The following MBD5 variants were observed in gnomAD, a reference collection of about 807,000 sequenced individuals.
The protein encoded by MBD5 is methyl-CpG-binding domain protein 5.
Under a neutral mutation model 117.3 loss-of-function variants are expected in MBD5, and 13 were observed. The ratio of observed to expected loss-of-function variants is 0.11; its 90% CI spans 0.07 to 0.18. The LOEUF is 0.18. Ranked by LOEUF, MBD5 falls within the 10% of genes least tolerant of loss-of-function variation. MBD5 has a pLI of 1.00. For synonymous variants in MBD5, 727 were observed against 766.4 expected, an observed-to-expected ratio of 0.95 and a Z score of 0.85; for missense variants, 1,879 against 2,093.8, an observed-to-expected ratio of 0.90 and a Z score of 2.00.
chr2:148,078,369 A>G (rs1695559272), intron 1 of MBD5, among the ~76,000 whole-genome samples: 5 of 152,092 alleles, frequency 3.3e-5, no homozygotes, highest in Admixed American at 3.3e-4. Context: ...GTGGGTGATC[A>G]TTTACTTGTA....
chr2:148,404,384 T>G (rs1705015948), intron 4 of MBD5, among the ~76,000 whole-genome samples: 1 of 152,192 alleles, frequency 6.6e-6, no homozygotes, highest in Admixed American at 6.5e-5. Context: ...CTGTGTGACT[T>G]TCTTTCAAGC....
intron 3 of MBD5, among the ~76,000 whole-genome samples, chr2:148,299,665 T>C (rs1701738288): frequency 6.6e-6 from 1 of 152,232 alleles, no homozygotes; most frequent in Admixed American, 6.5e-5. Flanking sequence ...TTTTGTTTTG[T>C]TTTAATAACT....
At chr2:148,179,817 C>T (rs193140558) in intron 2 of MBD5, among the ~76,000 whole-genome samples, 11 of 152,196 alleles carry the variant, frequency 7.2e-5, no homozygotes, top group Admixed American at 3.3e-4. Context: ...GACCTGTAAA[C>T]GGGATGCTCC....
Position 148,490,572 on chromosome 2 carries a change from A to G in MBD5, c.4940A>G (p.Gln1647Arg), listed in dbSNP as rs771322912. The change falls in exon 11 of 14, where the codon CAA becomes CGA. Residue 1647 changes from glutamine (Q) to arginine (R), a missense_variant. Physicochemically the swap from Gln to Arg is conservative, Grantham distance 43 (BLOSUM62 1). This residue lies in a region of MBD5 where 135 missense variants were observed against 148.0 expected (regional missense o/e 0.91). Coordinates refer to ENST00000642680, the MANE Select transcript of MBD5 (RefSeq NM_001378120.1). Reference protein sequence around the residue: ...VREDDVHNSCQQSPEEGKVEP... With the variant: ...VREDDVHNSCRQSPEEGKVEP... The stretch of plus-strand genomic sequence containing the variant: ...GAAGACGACGTTCACAATTCATGTC[A>G]ACAAAGCCCCGAGGAAGGGAAGGTA... The G allele has an allele frequency of 3.7e-6, 6 of 1,614,232 alleles. No homozygotes were observed. Among genetic ancestry groups the G allele is most frequent in the Non-Finnish European group, 5.1e-6 (6 of 1,180,038 alleles).
intron 8 of MBD5, 122 bp downstream of exon 8, chr2:148,470,583 A>G (rs1423221985): frequency 1.3e-6 from 1 of 784,840 alleles, no homozygotes; most frequent in African/African-American, 1.7e-5. Context: ...AATTCTCTTC[A>G]TTTCTTTAGT....
chr2:148,383,739 A>C (rs1438467752), intron 4 of MBD5, among the ~76,000 whole-genome samples: 1 of 152,164 alleles, frequency 6.6e-6, no homozygotes, highest in East Asian at 1.9e-4. Flanking sequence ...GAATCCAGCA[A>C]CACATCAAAA....
intron 1 of MBD5, among the ~76,000 whole-genome samples, chr2:148,176,609 A>G (rs13036250): frequency 0.31 from 46,927 of 151,782 alleles, 8,355 homozygotes; most frequent in East Asian, 0.46. Flanking sequence ...GGGTTTCACC[A>G]TGTTGGCCAG....
At position 148,288,356 on chromosome 2, in the gene MBD5, C is replaced by T. The variant is rs889601777; in HGVS notation, c.-679-53858C>T. The stretch of plus-strand genomic sequence containing the variant: ...CGGAGCTTGCAGTGAGCTGAGATCC[C>T]GCCACTGCACTCCAGCCTGGGCGAC... On this transcript the variant is annotated intron_variant, in intron 3 of 13. Transcript: ENST00000642680. Among the ~76,000 whole-genome samples, 33 of 97,828 alleles carry T rather than the reference C, an allele frequency of 3.4e-4. 1 individual carries two copies. The highest frequency in any genetic ancestry group is 1.0e-3 in the African/African-American group (29 of 28,380). The allele number at this position is 97,828 out of a possible 152,430, so 64.2% of individuals were successfully genotyped here.
chr2:148,345,729 A>T (rs999860635), intron 4 of MBD5, among the ~76,000 whole-genome samples: 1 of 150,242 alleles, frequency 6.7e-6, no homozygotes, highest in Non-Finnish European at 1.5e-5. Context: ...ATGGAAGTTT[A>T]TTAAGCATTA....
At chr2:148,272,343 T>C (rs958209123) in intron 3 of MBD5, among the ~76,000 whole-genome samples, 10 of 152,334 alleles carry the variant, frequency 6.6e-5, no homozygotes, top group African/African-American at 2.4e-4. Flanking sequence ...TTTAAGTTTT[T>C]TGAGGAACTT....
chr2:148,087,246 C>A (rs1695819529), intron 1 of MBD5, among the ~76,000 whole-genome samples: 1 of 152,190 alleles, frequency 6.6e-6, no homozygotes. Context: ...CAAATTGCCA[C>A]CTTCTGGCTG....
chr2:148,084,490 A>C (rs1480418949), intron 1 of MBD5, among the ~76,000 whole-genome samples: 1 of 152,194 alleles, frequency 6.6e-6, no homozygotes, highest in Non-Finnish European at 1.5e-5. Context: ...TCATTATTTC[A>C]ATATAGATTT....
At chr2:148,202,834 C>T (rs1196054523) in intron 2 of MBD5, among the ~76,000 whole-genome samples, 1 of 151,930 alleles carries the variant, frequency 6.6e-6, no homozygotes, top group Non-Finnish European at 1.5e-5. Context: ...TCGAGACCAA[C>T]CTGGCCAACA....
chr2:148,356,954 A>C (rs185972808), intron 4 of MBD5, among the ~76,000 whole-genome samples: 1 of 152,112 alleles, frequency 6.6e-6, no homozygotes, highest in Non-Finnish European at 1.5e-5. Context: ...CCTAAGAACA[A>C]GTATATGGAT....
intron 1 of MBD5, among the ~76,000 whole-genome samples, chr2:148,151,879 T>A (rs1697682088): frequency 6.6e-6 from 1 of 152,144 alleles, no homozygotes; most frequent in Non-Finnish European, 1.5e-5. Flanking sequence ...TTGTTGATCC[T>A]TTCAAAAAAC....
chr2:148,473,620 T>C (rs1465988530), intron 8 of MBD5, among the ~76,000 whole-genome samples: 1 of 152,172 alleles, frequency 6.6e-6, no homozygotes, highest in Non-Finnish European at 1.5e-5. Context: ...TTAAATCTTC[T>C]TTTAAGGAGA....
At chr2:148,101,467 G>GA (rs910773100) in intron 1 of MBD5, among the ~76,000 whole-genome samples, 49 of 149,460 alleles carry the variant, frequency 3.3e-4, no homozygotes, top group Middle Eastern at 3.4e-3. Flanking sequence ...GTCCCTAAAA[G>GA]AAAAAAAAAT....
At chr2:148,034,008 A>T (rs952325221) in intron 1 of MBD5, among the ~76,000 whole-genome samples, 1 of 152,174 alleles carries the variant, frequency 6.6e-6, no homozygotes, top group Non-Finnish European at 1.5e-5. Context: ...CAGCCTGGGC[A>T]CCATGGTGAA....
intron 1 of MBD5, among the ~76,000 whole-genome samples, chr2:148,107,404 T>C (rs1446651709): frequency 6.6e-6 from 1 of 152,012 alleles, no homozygotes; most frequent in East Asian, 1.9e-4. Context: ...CTTGACTGTT[T>C]GAATTGAGTT....
Sources: allele counts gnomAD v4.1 joint callset (sites outside exome capture counted in the v4.1 genomes callset), GRCh38; gene constraint gnomAD v4.1.1; regional missense constraint gnomAD v4.1.1; transcripts MANE v1.5; gene names NCBI Gene and HGNC (gene_info 2026-07-23, HGNC 2026-07-21).